The following CAPN9 variants were observed in gnomAD, a reference collection of about 807,000 sequenced individuals.
The protein encoded by CAPN9 is calpain-9.
In CAPN9, 81 loss-of-function variants were observed where a neutral mutation model predicts 92.8. The ratio of observed to expected loss-of-function variants is 0.87; its 90% CI spans 0.73 to 1.05. The LOEUF (loss-of-function observed/expected upper bound fraction) is 1.05, where lower values mean the gene tolerates loss of function less well. Ranked by LOEUF, CAPN9 falls within the 50% of genes least tolerant of loss-of-function variation. The pLI, the probability that CAPN9 is intolerant of heterozygous loss-of-function variation, is 0.00. For synonymous variants in CAPN9, 304 were observed against 328.0 expected (o/e 0.93, Z 0.79); for missense variants, 848 against 866.2 (o/e 0.98, Z 0.26).
At chr1:230,801,286 C>G (rs1668711441) in intron 19 of CAPN9, among the ~76,000 whole-genome samples, 1 of 152,136 alleles carries the variant, frequency 6.6e-6, no homozygotes, top group Admixed American at 6.5e-5. Context: ...GCGAGGCTGT[C>G]CTCTTAACAG....
At chr1:230,772,395 T>C (rs774492896) in intron 7 of CAPN9, among the ~76,000 whole-genome samples, 1 of 152,212 alleles carries the variant, frequency 6.6e-6, no homozygotes, top group Admixed American at 6.5e-5. Flanking sequence ...CCCAGTGATA[T>C]GGTGAAAAGC....
intron 7 of CAPN9, among the ~76,000 whole-genome samples, chr1:230,774,061 G>A (rs1416268630): frequency 6.6e-6 from 1 of 152,198 alleles, no homozygotes; most frequent in Non-Finnish European, 1.5e-5. Flanking sequence ...TGGCTTGCCA[G>A]CGAGGTCACA....
In CAPN9 at chr1:230,747,551, G is replaced by C; in HGVS notation, c.55G>C (p.Ala19Pro). Reference protein sequence around the residue: ...GPQAHPVPKDARITHSSGQSF... With the variant: ...GPQAHPVPKDPRITHSSGQSF... ...TCAGGCACACCCGGTTCCCAAGGAC[G>C]CCCGGATCACCCACTCCTCAGGCCA... Residue 19 changes from alanine to proline, a missense_variant, in exon 1 of 20, where the codon GCC becomes CCC. By Grantham distance (27) the Ala-to-Pro change is conservative. Coordinates refer to ENST00000271971, the MANE Select transcript of CAPN9 (RefSeq NM_006615.3). 1 of 1,614,154 alleles carries C rather than the reference G, an allele frequency of 6.2e-7. No individual in the cohort carries two copies. The highest frequency in any genetic ancestry group is 8.5e-7 in the Non-Finnish European group (1 of 1,180,038).
intron 6 of CAPN9, 97 bp downstream of exon 6, chr1:230,769,360 C>A (rs1666229639): frequency 2.3e-6 from 2 of 874,494 alleles, no homozygotes; most frequent in Admixed American, 2.4e-5. Context: ...TAAATGTCTG[C>A]CTTTCAGGCA....
rs186852645 is a variant in CAPN9 at position 230,779,033 on chromosome 1, C to A, written c.1014C>A (p.Pro338=). 9 of 1,613,226 alleles carry A rather than the reference C, an allele frequency of 5.6e-6. No homozygotes were observed. In the South Asian group the frequency reaches 9.9e-5, roughly 18 times the overall value. ...AAGTGGAGATCTGCAACCTCACTCC[C>A]GATGCCCTGGAGGAAGACGCGATCC... ...FDKVEICNLT[P]DALEEDAIHK... The change falls in exon 9 of 20, where the codon CCC becomes CCA. Residue 338 remains proline (P), a synonymous_variant. Transcript: ENST00000271971.
Position 230,767,685 on chromosome 1 carries a change from C to T in CAPN9, c.681C>T (p.Gly227=). ...TTCTAGAGAAGGCTTTGAAGAGAGG[C>T]TCCCTGCTGGGCTGCTTCATTGATG... The part of the protein sequence containing the change: ...YEILEKALKR[G]SLLGCFIDTR... Residue 227 remains glycine (G), a synonymous_variant, in exon 5 of 20, where the codon GGC becomes GGT. Coordinates refer to ENST00000271971, the MANE Select transcript of CAPN9 (RefSeq NM_006615.3). 3 of 1,613,398 alleles carry T rather than the reference C, an allele frequency of 1.9e-6. No individual in the cohort carries two copies. Among genetic ancestry groups the T allele is most frequent in the Non-Finnish European group, 2.5e-6 (3 of 1,179,872 alleles).
chr1:230,747,748 C>T (rs765095729), intron 1 of CAPN9, 39 bp downstream of exon 1: 13 of 1,588,134 alleles, frequency 8.2e-6, no homozygotes, highest in Middle Eastern at 1.7e-4. Context: ...TAGATGAGGC[C>T]GAGGTTCAGC....
At chr1:230,751,379 T>A (rs1664753129) in intron 1 of CAPN9, among the ~76,000 whole-genome samples, 1 of 148,906 alleles carries the variant, frequency 6.7e-6, no homozygotes, top group South Asian at 2.1e-4. Context: ...TTTTCTTCAC[T>A]GGAAGGCCAT....
chr1:230,756,569 T>G (rs1251392619), intron 2 of CAPN9, among the ~76,000 whole-genome samples: 1 of 152,126 alleles, frequency 6.6e-6, no homozygotes, highest in Non-Finnish European at 1.5e-5. Flanking sequence ...AGTTGACCCT[T>G]TAACAACATG....
chr1:230,799,580 TA>T (rs1253584290), intron 19 of CAPN9, among the ~76,000 whole-genome samples: 1 of 152,212 alleles, frequency 6.6e-6, no homozygotes, highest in Non-Finnish European at 1.5e-5. Context: ...TCAAAAATAT[TA>T]GCTATTTTGT....
At position 230,774,568 on chromosome 1, in the gene CAPN9, G is replaced by C. The variant is rs200084465; in HGVS notation, c.890G>C (p.Arg297Pro). ...GSWSDSSPEW[R>P]SVGPAEQKRL... The stretch of plus-strand genomic sequence containing the variant: ...TTTACTCCTAGTTCTCCGGAGTGGC[G>C]TTCTGTTGGTCCAGCTGAGCAGAAG... The change falls in exon 8 of 20, where the codon CGT (arginine) becomes CCT (proline). Residue 297 changes from arginine to proline, a missense_variant. Coordinates refer to ENST00000271971, the MANE Select transcript of CAPN9 (RefSeq NM_006615.3). 1 of 1,613,532 alleles carries C rather than the reference G, an allele frequency of 6.2e-7. No homozygotes were observed. The highest frequency in any genetic ancestry group is 8.5e-7 in the Non-Finnish European group (1 of 1,179,584).
At chr1:230,760,310 G>GA (rs1221917012) in intron 3 of CAPN9, among the ~76,000 whole-genome samples, 2 of 152,096 alleles carry the variant, frequency 1.3e-5, no homozygotes, top group African/African-American at 2.4e-5. Context: ...ACACTCGTCT[G>GA]AAAAAAGGAG....
chr1:230,787,436 A>G, intron 12 of CAPN9, 86 bp from the exon 13 acceptor site: 2 of 1,154,374 alleles, frequency 1.7e-6, no homozygotes, highest in African/African-American at 3.1e-5. Context: ...GGCTGGGCAC[A>G]CAGGCTCCTG....
intron 8 of CAPN9, 83 bp downstream of exon 8, chr1:230,774,714 C>T (rs1177844872): frequency 1.0e-5 from 8 of 796,118 alleles, no homozygotes; most frequent in African/African-American, 9.1e-5. Flanking sequence ...GCTTCTCTCT[C>T]GCTTTCCTTT....
intron 17 of CAPN9, 146 bp from the exon 18 acceptor site, chr1:230,795,017 G>A (rs1475755797): frequency 7.8e-6 from 5 of 639,622 alleles, no homozygotes; most frequent in Admixed American, 7.2e-5. Flanking sequence ...GTCCCACTGG[G>A]TCTGGGGACC....
Position 230,762,740 on chromosome 1 carries a change from G to C in CAPN9, c.490G>C (p.Asp164His). The C allele has an allele frequency of 6.2e-7, 1 of 1,614,084 alleles. No homozygotes were observed. Among genetic ancestry groups the C allele is most frequent in the Non-Finnish European group, 8.5e-7 (1 of 1,180,002 alleles). The change falls in exon 4 of 20, where the codon GAC becomes CAC. Residue 164 changes from aspartate (D) to histidine (H), a missense_variant. Transcript: ENST00000271971. ...CCGCTTGGTTTTCCTCCACTCTGCC[G>C]ACCACAACGAGTTCTGGAGCGCCTT... Reference protein sequence around the residue: ...RDRLVFLHSADHNEFWSALLE... With the variant: ...RDRLVFLHSAHHNEFWSALLE...
Position 230,780,561 on chromosome 1 carries a change from G to C in CAPN9, c.1334G>C (p.Arg445Thr). 1 of 1,614,188 alleles carries C rather than the reference G, an allele frequency of 6.2e-7. No homozygotes were observed. The highest frequency in any genetic ancestry group is 8.5e-7 in the Non-Finnish European group (1 of 1,180,046). Residue 445 changes from arginine (R) to threonine (T), a missense_variant, in exon 11 of 20, where the codon AGA becomes ACA. Arg to Thr is a moderately conservative substitution (Grantham distance 71, BLOSUM62 -1). Transcript: ENST00000271971. The stretch of plus-strand genomic sequence containing the variant: ...TTCAGATACCACGCTTCTCGGGCCA[G>C]AAGCAAGACGTTCATCAACCTGAGA... ...DFFRYHASRA[R>T]SKTFINLREV...
Position 230,759,512 on chromosome 1 carries a change from G to A in CAPN9, c.284G>A (p.Gly95Glu), listed in dbSNP as rs777274221. The A allele has an allele frequency of 1.9e-6, 3 of 1,595,924 alleles. No homozygotes were observed. The African/African-American group carries it at 4.1e-5, about 22-fold the overall frequency. The change falls in exon 3 of 20, where the codon GGA becomes GAA. Residue 95 changes from glycine to glutamate, a missense_variant and splice_region_variant. By Grantham distance (98) the Gly-to-Glu change is moderately conservative (BLOSUM62 -2). Coordinates refer to ENST00000271971, the MANE Select transcript of CAPN9 (RefSeq NM_006615.3). ...GTGATTTATGGCTTCCATTTTGCAGGAGACTGCTGGCTATTAGCCGCCATC... is the reference window on the plus strand; with the variant it reads ...GTGATTTATGGCTTCCATTTTGCAGAAGACTGCTGGCTATTAGCCGCCATC... ...TRTDICQGEL[G>E]DCWLLAAIAS...
intron 19 of CAPN9, among the ~76,000 whole-genome samples, chr1:230,801,099 G>A (rs1019527886): frequency 1.3e-5 from 2 of 152,136 alleles, no homozygotes; most frequent in Admixed American, 6.5e-5. Flanking sequence ...GAGAGAAAAT[G>A]AGGAGGAATT....
Sources: gnomAD v4.1 joint callset for allele counts (sites outside exome capture counted in the v4.1 genomes callset) on GRCh38, gnomAD v4.1.1 for gene constraint, MANE v1.5 for transcripts, NCBI Gene and HGNC (gene_info 2026-07-23, HGNC 2026-07-21) for gene names.